The following FHIT variants were observed in gnomAD, a reference collection of about 807,000 sequenced individuals.
FHIT encodes fragile histidine triad diadenosine triphosphatase, also known as bis(5'-adenosyl)-triphosphatase.
A neutral mutation model predicts 17.9 loss-of-function variants in FHIT; 19 were observed. The ratio of observed to expected loss-of-function variants is 1.06; its 90% CI spans 0.74 to 1.56. The LOEUF (loss-of-function observed/expected upper bound fraction) is 1.56. Ranked by LOEUF, FHIT falls within the 40% of genes most tolerant of loss-of-function variation. The probability of loss-of-function intolerance (pLI) is 0.00; values close to 1 mark genes in which losing one functional copy is unlikely to be tolerated. For synonymous variants in FHIT, 81 were observed against 69.7 expected (o/e 1.16, Z -0.81); for missense variants, 248 against 189.2 (o/e 1.31, Z -1.82).
intron 5 of FHIT, among the ~76,000 whole-genome samples, chr3:60,323,930 T>A (rs899679924): frequency 6.6e-6 from 1 of 151,780 alleles, no homozygotes; most frequent in Non-Finnish European, 1.5e-5. Context: ...ATGAGAAGGG[T>A]TGAAAGAAAT....
At chr3:60,976,200 G>A (rs1413411404) in intron 3 of FHIT, among the ~76,000 whole-genome samples, 2 of 139,998 alleles carry the variant, frequency 1.4e-5, no homozygotes, top group Non-Finnish European at 3.0e-5. Flanking sequence ...TCTACCTCCT[G>A]GGTTCAAGTG....
chr3:60,762,465 G>C (rs541232777), intron 4 of FHIT, among the ~76,000 whole-genome samples: 1 of 152,132 alleles, frequency 6.6e-6, no homozygotes, highest in African/African-American at 2.4e-5. Context: ...TAGCCTATGA[G>C]GACAAAAGTC....
chr3:60,027,136 C>CAA (rs1404321876), intron 5 of FHIT, among the ~76,000 whole-genome samples: 10,388 of 118,214 alleles, frequency 0.088, 712 homozygotes, highest in East Asian at 0.21. Context: ...CACACACACA[C>CAA]ACACACACAC....
chr3:61,214,943 G>A (rs1319352386), intron 1 of FHIT, among the ~76,000 whole-genome samples: 1 of 151,778 alleles, frequency 6.6e-6, no homozygotes, highest in Non-Finnish European at 1.5e-5. Flanking sequence ...AAAGGCCTTT[G>A]ACAAAATTCA....
At chr3:60,241,481 T>C (rs1242289622) in intron 5 of FHIT, among the ~76,000 whole-genome samples, 1 of 152,174 alleles carries the variant, frequency 6.6e-6, no homozygotes, top group East Asian at 1.9e-4. Context: ...ATGCATTTAT[T>C]ATAATGGGCC....
intron 5 of FHIT, among the ~76,000 whole-genome samples, chr3:60,440,924 C>A (rs183277244): frequency 6.6e-6 from 1 of 152,044 alleles, no homozygotes; most frequent in South Asian, 2.1e-4. Context: ...TGTTGGCATA[C>A]GATTCTGATA....
chr3:60,334,554 A>C (rs1334929876), intron 5 of FHIT, among the ~76,000 whole-genome samples: 1 of 152,226 alleles, frequency 6.6e-6, no homozygotes, highest in Non-Finnish European at 1.5e-5. Flanking sequence ...TGGGAGGCCA[A>C]GGCAGGTGGA....
chr3:61,043,239 A>G (rs1415683160), intron 2 of FHIT, among the ~76,000 whole-genome samples: 5 of 152,204 alleles, frequency 3.3e-5, no homozygotes, highest in Non-Finnish European at 5.9e-5. Context: ...CTGGAAAATC[A>G]TAACAACCCC....
chr3:60,697,466 T>C (rs1553700909), intron 4 of FHIT, among the ~76,000 whole-genome samples: 1 of 152,192 alleles, frequency 6.6e-6, no homozygotes, highest in Admixed American at 6.5e-5. Flanking sequence ...GTATGTTTCA[T>C]TCTGAGATGA....
chr3:61,141,272 G>A (rs2037073266), intron 2 of FHIT, among the ~76,000 whole-genome samples: 1 of 151,992 alleles, frequency 6.6e-6, no homozygotes, highest in South Asian at 2.1e-4. Context: ...AATTTATAAG[G>A]CTGTCTTTGC....
chr3:60,388,781 A>C (rs1278585702), intron 5 of FHIT, among the ~76,000 whole-genome samples: 1 of 152,182 alleles, frequency 6.6e-6, no homozygotes, highest in South Asian at 2.1e-4. Flanking sequence ...TTGTGTTCCA[A>C]GTTTCCATGC....
intron 4 of FHIT, among the ~76,000 whole-genome samples, chr3:60,723,536 T>C (rs539183921): frequency 9.5e-4 from 144 of 152,284 alleles, no homozygotes; most frequent in Non-Finnish European, 1.5e-3. Flanking sequence ...CTCTAATGAG[T>C]GCCCTAGTAG....
At chr3:60,553,378 C>T in intron 4 of FHIT, 2 of 980,202 alleles carry the variant, frequency 2.0e-6, no homozygotes, top group Non-Finnish European at 2.4e-6. Context: ...GAATCAGCAA[C>T]CCCCTTCTTC....
chr3:60,370,585 C>T (rs568603508), intron 5 of FHIT, among the ~76,000 whole-genome samples: 1 of 152,286 alleles, frequency 6.6e-6, no homozygotes, highest in South Asian at 2.1e-4. Flanking sequence ...TGCATTCTGG[C>T]TGCACTATGT....
rs552896597 is a variant in FHIT, at chr3:59,758,418, A to AGAT, written c.349-6100_349-6098dup. On this transcript the variant is annotated intron_variant, in intron 8 of 9. Transcript: ENST00000492590. Reference sequence around the variant, plus strand: ...GAAGCCTTAACATTCCATTGTTTAAAGATGGAATAGGCACGCACAACAGGG... The same window carrying AGAT: ...GAAGCCTTAACATTCCATTGTTTAAAGATGATGGAATAGGCACGCACAACAGGG... Among the ~76,000 whole-genome samples, 634 of 152,292 alleles carry AGAT rather than the reference A, an allele frequency of 4.2e-3. 2 individuals are homozygous for AGAT. The highest frequency in any genetic ancestry group is 6.8e-3 in the Middle Eastern group (2 of 294).
intron 2 of FHIT, among the ~76,000 whole-genome samples, chr3:61,179,707 C>CAAAAAA (rs779180597): frequency 3.4e-5 from 1 of 28,988 alleles, no homozygotes; most frequent in Admixed American, 4.1e-4. Context: ...GACCCTATCT[C>CAAAAAA]AAAAAAAAAA....
intron 5 of FHIT, among the ~76,000 whole-genome samples, chr3:60,435,730 T>C (rs1482173403): frequency 1.3e-5 from 2 of 152,128 alleles, no homozygotes; most frequent in Admixed American, 6.6e-5. Context: ...TGGGGGTTTG[T>C]TGTACAGATT....
At chr3:59,951,842 A>C (rs549489362) in intron 7 of FHIT, among the ~76,000 whole-genome samples, 1 of 152,212 alleles carries the variant, frequency 6.6e-6, no homozygotes, top group East Asian at 1.9e-4. Context: ...TTTGCATCTC[A>C]CAGCTGAGAA....
At chr3:60,102,625 A>G (rs910186354) in intron 5 of FHIT, among the ~76,000 whole-genome samples, 1 of 151,398 alleles carries the variant, frequency 6.6e-6, no homozygotes, top group Non-Finnish European at 1.5e-5. Context: ...ATAAGAATAA[A>G]AAAAAAAAAC....
Sources: gnomAD v4.1 joint callset for allele counts (sites outside exome capture counted in the v4.1 genomes callset) on GRCh38, gnomAD v4.1.1 for gene constraint, MANE v1.5 for transcripts, NCBI Gene and HGNC (gene_info 2026-07-23, HGNC 2026-07-21) for gene names.